The following AGBL4 variants were observed in gnomAD, a reference collection of about 807,000 sequenced individuals.
AGBL4 encodes the protein AGBL carboxypeptidase 4.
In AGBL4, 58 loss-of-function variants were observed where a neutral mutation model predicts 66.4. That is an observed-to-expected ratio of 0.87 (90% CI 0.71 to 1.09). The LOEUF (loss-of-function observed/expected upper bound fraction) is 1.09. AGBL4 is among the 50% of genes least tolerant of loss of function. The pLI is 0.00. For synonymous variants in AGBL4, 234 were observed against 222.9 expected (o/e 1.05, Z -0.44); for missense variants, 579 against 631.0 (o/e 0.92, Z 0.88).
intron 5 of AGBL4, among the ~76,000 whole-genome samples, chr1:49,008,787 T>C (rs1477416733): frequency 1.3e-5 from 2 of 148,820 alleles, no homozygotes; most frequent in African/African-American, 5.0e-5. Context: ...ACTGGGTACA[T>C]AACGAAATGA....
chr1:49,619,508 T>C lies in AGBL4; in HGVS notation c.282+77805A>G, dbSNP rs1297129328. Among the ~76,000 whole-genome samples, 49 of 152,208 alleles carry C rather than the reference T, an allele frequency of 3.2e-4. 1 individual carries two copies. The highest frequency in any genetic ancestry group is 7.3e-5 in the Non-Finnish European group (5 of 68,042). On this transcript the variant is annotated intron_variant, in intron 3 of 13. Transcript: ENST00000371839. ...TGGAAAAACATTCCATTCTCATTGA[T>C]AGGAAGAATCAATATCGTGAAAATG...
chr1:48,543,425 TCCATC>T (rs1421873190), intron 11 of AGBL4, among the ~76,000 whole-genome samples: 5 of 135,208 alleles, frequency 3.7e-5, no homozygotes, highest in Non-Finnish European at 8.4e-5. Flanking sequence ...CATCCATCCA[TCCATC>T]TACCCGTCCA....
intron 9 of AGBL4, among the ~76,000 whole-genome samples, chr1:48,631,601 C>T (rs1458799179): frequency 1.3e-5 from 2 of 152,094 alleles, no homozygotes; most frequent in Admixed American, 6.5e-5. Context: ...GCCATGTTGG[C>T]CAGGCTGGTC....
intron 9 of AGBL4, among the ~76,000 whole-genome samples, chr1:48,596,902 C>G (rs139038072): frequency 2.1e-3 from 324 of 152,270 alleles, no homozygotes; most frequent in African/African-American, 7.2e-3. Flanking sequence ...GAAATCCAGA[C>G]AGCCAGCTCA....
At chr1:49,323,616 T>C (rs1645171490) in intron 3 of AGBL4, among the ~76,000 whole-genome samples, 2 of 151,958 alleles carry the variant, frequency 1.3e-5, no homozygotes, top group African/African-American at 4.8e-5. Flanking sequence ...TCTCCTGCTG[T>C]TTCCATCACT....
chr1:49,512,292 C>T (rs996169062), intron 3 of AGBL4, among the ~76,000 whole-genome samples: 19 of 151,972 alleles, frequency 1.3e-4, no homozygotes, highest in Admixed American at 6.6e-5. Flanking sequence ...TATTTATTAG[C>T]TATGAAATAT....
At chr1:49,179,579 G>A (rs773480906) in intron 4 of AGBL4, among the ~76,000 whole-genome samples, 49 of 151,850 alleles carry the variant, frequency 3.2e-4, no homozygotes, top group Non-Finnish European at 6.5e-4. Flanking sequence ...GCAATATTCA[G>A]AAGTCAACAC....
intron 6 of AGBL4, among the ~76,000 whole-genome samples, chr1:48,863,335 G>A (rs1249079766): frequency 6.6e-6 from 1 of 151,758 alleles, no homozygotes; most frequent in Admixed American, 6.6e-5. Flanking sequence ...ATGTTTAAAA[G>A]GCAGAAAAGA....
At chr1:48,661,618 AAC>A (rs1230219468) in intron 7 of AGBL4, among the ~76,000 whole-genome samples, 1 of 152,202 alleles carries the variant, frequency 6.6e-6, no homozygotes, top group Non-Finnish European at 1.5e-5. Context: ...CCCTTTTAGT[AAC>A]AGGGTCTTCA....
At chr1:48,878,109 T>G (rs950433873) in intron 5 of AGBL4, among the ~76,000 whole-genome samples, 1 of 152,202 alleles carries the variant, frequency 6.6e-6, no homozygotes, top group African/African-American at 2.4e-5. Context: ...AAGCTTCAGA[T>G]TTTTTGAGAG....
At chr1:48,901,326 T>A (rs1236673603) in intron 5 of AGBL4, among the ~76,000 whole-genome samples, 1 of 152,230 alleles carries the variant, frequency 6.6e-6, no homozygotes, top group Non-Finnish European at 1.5e-5. Flanking sequence ...TAAAATATTA[T>A]ATGTAAACTA....
At chr1:49,906,801 C>T (rs541497063) in intron 1 of AGBL4, among the ~76,000 whole-genome samples, 194 of 152,132 alleles carry the variant, frequency 1.3e-3, no homozygotes, top group Non-Finnish European at 2.5e-3. Context: ...TCTTTAATTT[C>T]CTCCACCAGC....
intron 5 of AGBL4, among the ~76,000 whole-genome samples, chr1:48,913,891 A>G (rs1369231522): frequency 6.6e-6 from 1 of 152,170 alleles, no homozygotes; most frequent in Non-Finnish European, 1.5e-5. Flanking sequence ...GTAGATTGTC[A>G]TGGGATTTTC....
At chr1:49,438,088 T>C (rs1041846098) in intron 3 of AGBL4, among the ~76,000 whole-genome samples, 2 of 152,190 alleles carry the variant, frequency 1.3e-5, no homozygotes, top group East Asian at 1.9e-4. Flanking sequence ...GTGAGGACTA[T>C]ATTACTGACT....
chr1:49,710,636 T>C (rs997881098), intron 2 of AGBL4, among the ~76,000 whole-genome samples: 5 of 151,430 alleles, frequency 3.3e-5, no homozygotes, highest in African/African-American at 1.2e-4. Context: ...AAAATATATA[T>C]AATAGAAAAT....
chr1:49,334,391 A>G (rs17105631), intron 3 of AGBL4, among the ~76,000 whole-genome samples: 1 of 152,268 alleles, frequency 6.6e-6, no homozygotes, highest in East Asian at 1.9e-4. Flanking sequence ...AAATATTCAT[A>G]CGCATTGACT....
chr1:48,697,402 C>T (rs1032543218), intron 6 of AGBL4, among the ~76,000 whole-genome samples: 1 of 152,202 alleles, frequency 6.6e-6, no homozygotes, highest in African/African-American at 2.4e-5. Context: ...GTGCTCTACT[C>T]TCTAGGTCTC....
chr1:49,387,654 G>A (rs1272527548), intron 3 of AGBL4, among the ~76,000 whole-genome samples: 1 of 151,952 alleles, frequency 6.6e-6, no homozygotes, highest in Admixed American at 6.6e-5. Flanking sequence ...ATCTTTACCA[G>A]TCTCTTAGTT....
intron 4 of AGBL4, among the ~76,000 whole-genome samples, chr1:49,151,458 C>G (rs1249823887): frequency 6.6e-6 from 1 of 151,380 alleles, no homozygotes; most frequent in Non-Finnish European, 1.5e-5. Context: ...GTGAGCTATG[C>G]CTCTCTCAAA....
Sources: gnomAD v4.1 joint callset for allele counts (sites outside exome capture counted in the v4.1 genomes callset) on GRCh38, gnomAD v4.1.1 for gene constraint, MANE v1.5 for transcripts, NCBI Gene and HGNC (gene_info 2026-07-23, HGNC 2026-07-21) for gene names.